The following DLG2 variants were observed in gnomAD, a reference collection of about 807,000 sequenced individuals.
The protein encoded by DLG2 is disks large homolog 2.
In DLG2, 45 loss-of-function variants were observed where a neutral mutation model predicts 132.5. The observed-to-expected ratio is 0.34, with a 90% CI of 0.27 to 0.44. DLG2 has a LOEUF of 0.44. Among genes scored for constraint, DLG2 ranks in the 20% least tolerant of loss-of-function variants. The pLI is 1.00. For synonymous variants in DLG2, 424 were observed against 419.6 expected, an observed-to-expected ratio of 1.01 and a Z score of -0.13; for missense variants, 1,045 against 1,196.9, an observed-to-expected ratio of 0.87 and a Z score of 1.87.
intron 5 of DLG2, among the ~76,000 whole-genome samples, chr11:85,114,997 G>C (rs1457213174): frequency 6.6e-6 from 1 of 151,900 alleles, no homozygotes; most frequent in Non-Finnish European, 1.5e-5. Context: ...CATTAAAATA[G>C]CATGTTCTTT....
intron 6 of DLG2, among the ~76,000 whole-genome samples, chr11:84,683,579 C>T (rs11234125): frequency 0.46 from 69,235 of 151,976 alleles, 19,318 homozygotes; most frequent in African/African-American, 0.8. Context: ...CGAAAAGCCT[C>T]CTACACAAAG....
At chr11:83,712,939 A>C (rs760274097) in intron 18 of DLG2, among the ~76,000 whole-genome samples, 48 of 151,872 alleles carry the variant, frequency 3.2e-4, no homozygotes, top group Non-Finnish European at 5.7e-4. Flanking sequence ...AAACCTGCGC[A>C]TCCTGCCCAT....
intron 3 of DLG2, among the ~76,000 whole-genome samples, chr11:85,318,494 C>A (rs1226439012): frequency 6.6e-6 from 1 of 151,616 alleles, no homozygotes; most frequent in South Asian, 2.1e-4. Flanking sequence ...AAAAAAGAAA[C>A]CAGGCAGCCT....
intron 4 of DLG2, among the ~76,000 whole-genome samples, chr11:85,230,631 C>G (rs2075248910): frequency 6.6e-6 from 1 of 151,630 alleles, no homozygotes; most frequent in South Asian, 2.1e-4. Flanking sequence ...CTGACTATTC[C>G]TAAGATTTCT....
At chr11:84,942,677 G>A (rs1022303748) in intron 6 of DLG2, among the ~76,000 whole-genome samples, 3 of 152,144 alleles carry the variant, frequency 2.0e-5, no homozygotes, top group Admixed American at 6.6e-5. Context: ...CCTGTGCTAA[G>A]GTGAAGAACA....
At chr11:85,188,447 G>GT (rs1566983123) in intron 4 of DLG2, among the ~76,000 whole-genome samples, 4 of 152,230 alleles carry the variant, frequency 2.6e-5, no homozygotes, top group East Asian at 3.9e-4. Flanking sequence ...AAAATGTCTA[G>GT]TTTTTTTAAA....
chr11:84,015,694 G>A (rs1238779601), intron 11 of DLG2, among the ~76,000 whole-genome samples: 4 of 152,094 alleles, frequency 2.6e-5, no homozygotes, highest in Non-Finnish European at 5.9e-5. Context: ...CTCCATCCAT[G>A]TCCCTGCAAA....
intron 21 of DLG2, among the ~76,000 whole-genome samples, chr11:83,525,177 C>T (rs373519654): frequency 1.2e-4 from 19 of 152,282 alleles, no homozygotes; most frequent in African/African-American, 3.4e-4. Context: ...TGAGTTCCAT[C>T]GGCTTTCAGG....
chr11:84,301,386 G>A (rs540589605), intron 7 of DLG2, among the ~76,000 whole-genome samples: 8 of 152,164 alleles, frequency 5.3e-5, no homozygotes, highest in Non-Finnish European at 7.4e-5. Context: ...AGGCCAGTGC[G>A]GTGGCTCACG....
At chr11:84,795,016 G>C (rs996167929) in intron 6 of DLG2, among the ~76,000 whole-genome samples, 1 of 152,210 alleles carries the variant, frequency 6.6e-6, no homozygotes, top group African/African-American at 2.4e-5. Flanking sequence ...CTACCATCAG[G>C]CCTGGGACAG....
chr11:84,685,602 G>A (rs1415537930), intron 6 of DLG2, among the ~76,000 whole-genome samples: 3 of 152,164 alleles, frequency 2.0e-5, no homozygotes, highest in Non-Finnish European at 2.9e-5. Flanking sequence ...ATCTGCCAGA[G>A]GACTATTCCA....
chr11:84,500,549 G>C (rs1247579432), intron 7 of DLG2, among the ~76,000 whole-genome samples: 1 of 152,134 alleles, frequency 6.6e-6, no homozygotes, highest in Non-Finnish European at 1.5e-5. Flanking sequence ...TCTCATCCTT[G>C]CATTCTCTAT....
chr11:83,507,182 A>G (rs1358936567), intron 21 of DLG2, among the ~76,000 whole-genome samples: 1 of 152,152 alleles, frequency 6.6e-6, no homozygotes, highest in Non-Finnish European at 1.5e-5. Flanking sequence ...TTTATTTTGC[A>G]TAACTCTCTA....
chr11:85,299,373 T>C (rs556762439), intron 3 of DLG2, among the ~76,000 whole-genome samples: 1 of 152,314 alleles, frequency 6.6e-6, no homozygotes, highest in South Asian at 2.1e-4. Flanking sequence ...TTTGTTTTGC[T>C]CTGGGTTAAC....
At chr11:85,435,939 G>T (rs1249319145) in intron 3 of DLG2, among the ~76,000 whole-genome samples, 1 of 151,944 alleles carries the variant, frequency 6.6e-6, no homozygotes, top group Admixed American at 6.6e-5. Flanking sequence ...AACCAAAACA[G>T]CATGGTACTA....
intron 6 of DLG2, among the ~76,000 whole-genome samples, chr11:84,772,841 T>C (rs191554023): frequency 6.6e-6 from 1 of 151,978 alleles, no homozygotes; most frequent in East Asian, 1.9e-4. Context: ...ACATCAAATA[T>C]TATAAAGATC....
intron 18 of DLG2, among the ~76,000 whole-genome samples, chr11:83,677,074 T>C (rs924364248): frequency 1.3e-5 from 2 of 152,188 alleles, no homozygotes; most frequent in South Asian, 4.1e-4. Context: ...AGTTAGATGT[T>C]CACAATATAC....
chr11:84,777,877 TAAATATTTGCTCCCATTTTGCAGG>T, intron 6 of DLG2, among the ~76,000 whole-genome samples: 1 of 152,266 alleles, frequency 6.6e-6, no homozygotes, highest in East Asian at 1.9e-4. Context: ...GAATAGTTTA[TAAATATTTGCTCCCATTTTGCAGG>T]CTGTCTGTTC....
intron 18 of DLG2, among the ~76,000 whole-genome samples, chr11:83,785,425 A>T (rs1386614546): frequency 6.6e-6 from 1 of 152,182 alleles, no homozygotes; most frequent in Non-Finnish European, 1.5e-5. Flanking sequence ...AAATAGAAAG[A>T]CTTTTCAAAA....
Sources: allele counts gnomAD v4.1 joint callset (sites outside exome capture counted in the v4.1 genomes callset), GRCh38; gene constraint gnomAD v4.1.1; transcripts MANE v1.5; gene names NCBI Gene and HGNC (gene_info 2026-07-23, HGNC 2026-07-21).